Variants in KCND2 observed in about 807,000 individuals in gnomAD.
The protein encoded by KCND2 is potassium voltage-gated channel subfamily D member 2.
In KCND2, 16 loss-of-function variants were observed where a neutral mutation model predicts 54.4. That is an observed-to-expected ratio of 0.29 (90% CI 0.20 to 0.45). KCND2 has a LOEUF of 0.45. Ranked by LOEUF, KCND2 falls within the 20% of genes least tolerant of loss-of-function variation. The pLI, the probability that KCND2 is intolerant of heterozygous loss-of-function variation, is 1.00. For missense variants in KCND2, 486 were observed against 824.2 expected (o/e 0.59, Z 5.02); for synonymous variants, 317 against 310.7 (o/e 1.02, Z -0.21).
chr7:120,359,434 A>C (rs551903114), intron 1 of KCND2, among the ~76,000 whole-genome samples: 4 of 152,272 alleles, frequency 2.6e-5, no homozygotes, highest in African/African-American at 9.6e-5. Context: ...CCAAACATTT[A>C]AGATAAGACT....
intron 1 of KCND2, among the ~76,000 whole-genome samples, chr7:120,621,631 A>C (rs1365799834): frequency 6.6e-6 from 1 of 152,212 alleles, no homozygotes; most frequent in South Asian, 2.1e-4. Flanking sequence ...CCTAGTCATG[A>C]TATTAAATAT....
chr7:120,554,589 T>C (rs1397094796), intron 1 of KCND2, among the ~76,000 whole-genome samples: 4 of 152,008 alleles, frequency 2.6e-5, no homozygotes, highest in Admixed American at 2.6e-4. Flanking sequence ...TTTGTATTTT[T>C]AGTAGAGACG....
chr7:120,668,494 C>T (rs1251660768), intron 1 of KCND2, among the ~76,000 whole-genome samples: 3 of 151,840 alleles, frequency 2.0e-5, no homozygotes, highest in African/African-American at 4.8e-5. Flanking sequence ...CTAATACATC[C>T]GAATTGTCCT....
chr7:120,353,281 T>G (rs1800444371), intron 1 of KCND2, among the ~76,000 whole-genome samples: 2 of 151,914 alleles, frequency 1.3e-5, no homozygotes, highest in South Asian at 2.1e-4. Context: ...ATTGCGCCAT[T>G]TAGATTTGCT....
intron 1 of KCND2, among the ~76,000 whole-genome samples, chr7:120,480,122 A>T (rs1802585189): frequency 6.6e-6 from 1 of 152,000 alleles, no homozygotes; most frequent in South Asian, 2.1e-4. Flanking sequence ...GTATAGATAT[A>T]AAAAAGATGG....
At chr7:120,472,980 G>A (rs1802481484) in intron 1 of KCND2, among the ~76,000 whole-genome samples, 1 of 152,220 alleles carries the variant, frequency 6.6e-6, no homozygotes, top group Non-Finnish European at 1.5e-5. Flanking sequence ...GTAGACAGTA[G>A]TGGATAGGAG....
At chr7:120,314,068 A>G (rs1197454285) in intron 1 of KCND2, among the ~76,000 whole-genome samples, 2 of 150,408 alleles carry the variant, frequency 1.3e-5, no homozygotes, top group Non-Finnish European at 2.9e-5. Flanking sequence ...CAGTGTAAAT[A>G]CAAAAAAAAA....
chr7:120,524,023 A>G (rs1245990977), intron 1 of KCND2, among the ~76,000 whole-genome samples: 1 of 151,848 alleles, frequency 6.6e-6, no homozygotes, highest in Non-Finnish European at 1.5e-5. Flanking sequence ...ATCACCTGAG[A>G]TCAGGAGTTG....
intron 1 of KCND2, among the ~76,000 whole-genome samples, chr7:120,705,356 T>C (rs1792454656): frequency 6.6e-6 from 1 of 152,162 alleles, no homozygotes; most frequent in Admixed American, 6.6e-5. Context: ...CAGCAGAAAG[T>C]AATTTATTTG....
At chr7:120,301,090 T>C (rs1563002077) in intron 1 of KCND2, among the ~76,000 whole-genome samples, 1 of 152,170 alleles carries the variant, frequency 6.6e-6, no homozygotes, top group Admixed American at 6.5e-5. Context: ...TGATGAATTA[T>C]ATACAACAAT....
chr7:120,452,570 C>T (rs1802129599), intron 1 of KCND2, among the ~76,000 whole-genome samples: 1 of 152,112 alleles, frequency 6.6e-6, no homozygotes, highest in Admixed American at 6.5e-5. Flanking sequence ...CTGTTCCTGG[C>T]CTCCAGCAAC....
chr7:120,290,897 T>A (rs1471200323), intron 1 of KCND2, among the ~76,000 whole-genome samples: 1 of 151,928 alleles, frequency 6.6e-6, no homozygotes, highest in Non-Finnish European at 1.5e-5. Context: ...AAGAAAATTT[T>A]CTTACCTGAC....
intron 1 of KCND2, among the ~76,000 whole-genome samples, chr7:120,729,371 T>G (rs1411062086): frequency 6.6e-6 from 1 of 152,176 alleles, no homozygotes; most frequent in East Asian, 1.9e-4. Context: ...AGCAGTCAAC[T>G]TTAAACTGAT....
Position 120,274,513 on chromosome 7 carries a change from C to A in KCND2, c.-120C>A, listed in dbSNP as rs2116241310. 1.8e-6 allele frequency: 2 copies of A among 1,135,634 alleles called. No individual in the cohort carries two copies. Among genetic ancestry groups the A allele is most frequent in the Non-Finnish European group, 2.7e-6 (2 of 748,580 alleles). 70.3% of individuals were successfully genotyped at this position (1,135,634 alleles called of 1,614,324 possible). A position where few individuals can be genotyped will look rare whatever the true frequency, so the allele number is the denominator to read the frequency against. On this transcript the variant is annotated 5_prime_UTR_variant, in exon 1 of 6. Transcript: ENST00000331113. ...GCCCTATCTTGGAATAAGAGTTACACCTCTGGACCACGTTTCTCACTAGTA... is the reference window on the plus strand; with the variant it reads ...GCCCTATCTTGGAATAAGAGTTACAACTCTGGACCACGTTTCTCACTAGTA...
intron 1 of KCND2, among the ~76,000 whole-genome samples, chr7:120,586,987 T>C (rs1792608584): frequency 6.6e-6 from 1 of 152,168 alleles, no homozygotes; most frequent in South Asian, 2.1e-4. Flanking sequence ...TATTATTAAA[T>C]TAATTTTAAA....
chr7:120,341,646 G>T (rs1486348588), intron 1 of KCND2, among the ~76,000 whole-genome samples: 1 of 152,086 alleles, frequency 6.6e-6, no homozygotes, highest in Non-Finnish European at 1.5e-5. Context: ...AAATGACCTG[G>T]ACTTATTTGG....
Position 120,718,619 on chromosome 7 carries a change from G to A in KCND2, c.1116-14284G>A, listed in dbSNP as rs140982082. Among the ~76,000 whole-genome samples the A allele has an allele frequency of 4.6e-4, 70 of 152,168 alleles. No individual in the cohort carries two copies. The East Asian group carries it at 0.011, about 24-fold the overall frequency. On this transcript the variant is annotated intron_variant, in intron 1 of 5. Coordinates refer to ENST00000331113, the MANE Select transcript of KCND2 (RefSeq NM_012281.3). ...GCCTAAAATGTTTGCCAGTTTGCTT[G>A]CCTTTTACCAAAAGAGTGCTCTAAA... is the stretch of plus-strand genomic sequence containing the variant.
chr7:120,718,261 G>A (rs1180860223), intron 1 of KCND2, among the ~76,000 whole-genome samples: 1 of 152,114 alleles, frequency 6.6e-6, no homozygotes, highest in African/African-American at 2.4e-5. Flanking sequence ...ACAGCACAAC[G>A]CTTAACCTTT....
intron 1 of KCND2, among the ~76,000 whole-genome samples, chr7:120,550,114 C>T (rs1329754432): frequency 1.3e-5 from 2 of 151,908 alleles, no homozygotes; most frequent in Non-Finnish European, 2.9e-5. Flanking sequence ...ATCATCTCAC[C>T]ACCCTGCCAC....
Sources: gnomAD v4.1 joint callset for allele counts (sites outside exome capture counted in the v4.1 genomes callset) on GRCh38, gnomAD v4.1.1 for gene constraint, MANE v1.5 for transcripts, NCBI Gene and HGNC (gene_info 2026-07-23, HGNC 2026-07-21) for gene names.